ATP10B: variants seen among roughly 807,000 people sequenced by gnomAD.
The protein encoded by ATP10B is ATPase phospholipid transporting 10B (putative).
ATP10B carries 122 observed loss-of-function variants against 141.2 expected under a neutral mutation model. The ratio of observed to expected loss-of-function variants is 0.86; its 90% CI spans 0.75 to 1.00. ATP10B has a LOEUF of 1.00. Ranked by LOEUF, ATP10B falls within the 50% of genes least tolerant of loss-of-function variation. ATP10B has a pLI of 0.00. For synonymous variants in ATP10B, 685 were observed against 692.0 expected (o/e 0.99, Z 0.16); for missense variants, 1,876 against 1,825.3 (o/e 1.03, Z -0.51).
the ATP10B span, among the ~76,000 whole-genome samples, chr5:160,917,904 G>C: frequency 1.3e-5 from 2 of 152,324 alleles, no homozygotes; most frequent in South Asian, 4.1e-4. Flanking sequence ...GATTTAAGCA[G>C]TGAAGGGGAC....
At chr5:160,649,428 G>T (rs1228324461) in intron 7 of ATP10B, among the ~76,000 whole-genome samples, 172 bp from the exon 8 acceptor site, 1 of 152,216 alleles carries the variant, frequency 6.6e-6, no homozygotes. Flanking sequence ...CATTAAGGAA[G>T]AGAAAGCAAA....
chr5:160,869,683 A>C, the ATP10B span, among the ~76,000 whole-genome samples: 2 of 152,162 alleles, frequency 1.3e-5, no homozygotes, highest in African/African-American at 2.4e-5. Flanking sequence ...CCAAGATTGA[A>C]AGACAGGTGA....
intron 1 of ATP10B, among the ~76,000 whole-genome samples, chr5:160,841,969 C>T (rs1581638434): frequency 6.6e-6 from 1 of 152,190 alleles, no homozygotes; most frequent in Non-Finnish European, 1.5e-5. Context: ...AGGTGATCCA[C>T]CCGCCTCGGC....
chr5:160,622,658 G>T, intron 13 of ATP10B, 73 bp from the exon 14 acceptor site: 1 of 1,374,968 alleles, frequency 7.3e-7, no homozygotes, highest in Non-Finnish European at 1.0e-6. Context: ...TCACATGCCT[G>T]GGGAAAGGAT....
At chr5:160,589,729 T>G (rs182844462) in intron 23 of ATP10B, 33 bp from the exon 24 acceptor site, 102 of 1,522,940 alleles carry the variant, frequency 6.7e-5, no homozygotes, top group Non-Finnish European at 2.7e-6. Context: ...CATTGTCAGG[T>G]ATGTCTGTGG....
At chr5:160,636,369 A>AT in intron 10 of ATP10B, 60 bp from the exon 11 acceptor site, 1 of 1,562,394 alleles carries the variant, frequency 6.4e-7, no homozygotes, top group Non-Finnish European at 8.7e-7. Flanking sequence ...AAGTTGGTCA[A>AT]TTATACCAGC....
At chr5:160,869,708 G>A in the ATP10B span, among the ~76,000 whole-genome samples, 2 of 152,112 alleles carry the variant, frequency 1.3e-5, no homozygotes, top group Non-Finnish European at 2.9e-5. Flanking sequence ...AGCAAACCAT[G>A]GCTTGCTGGA....
intron 7 of ATP10B, among the ~76,000 whole-genome samples, chr5:160,663,879 G>T (rs1762146468): frequency 6.6e-6 from 1 of 152,078 alleles, no homozygotes; most frequent in Non-Finnish European, 1.5e-5. Flanking sequence ...TAGAGAACAG[G>T]GTTTCTTAAC....
chr5:160,615,768 G>C, intron 17 of ATP10B, 70 bp downstream of exon 17: 2 of 1,570,690 alleles, frequency 1.3e-6, no homozygotes, highest in East Asian at 2.3e-5. Context: ...TGTCAGAATC[G>C]GGGCCAAGAG....
intron 2 of ATP10B, among the ~76,000 whole-genome samples, chr5:160,754,000 A>C (rs1387589877): frequency 2.0e-5 from 3 of 152,216 alleles, no homozygotes; most frequent in Non-Finnish European, 2.9e-5. Flanking sequence ...CCTATATTAC[A>C]AAAGAGAAAA....
At chr5:160,651,444 G>C (rs543251667) in intron 7 of ATP10B, among the ~76,000 whole-genome samples, 3 of 152,108 alleles carry the variant, frequency 2.0e-5, no homozygotes, top group Admixed American at 6.6e-5. Context: ...ATGAGCCTTC[G>C]TTTCTTCATC....
At chr5:160,694,513 G>A (rs1764254499) in intron 3 of ATP10B, among the ~76,000 whole-genome samples, 1 of 152,076 alleles carries the variant, frequency 6.6e-6, no homozygotes, top group Admixed American at 6.5e-5. Flanking sequence ...AATCCTATAT[G>A]GGGGACCTTT....
At chr5:160,686,430 GA>G (rs1179566578) in intron 5 of ATP10B, among the ~76,000 whole-genome samples, 157 bp from the exon 6 acceptor site, 1 of 152,166 alleles carries the variant, frequency 6.6e-6, no homozygotes, top group Non-Finnish European at 1.5e-5. Context: ...AACCCATCTA[GA>G]TGTATTTATT....
intron 7 of ATP10B, among the ~76,000 whole-genome samples, chr5:160,652,887 AAT>A (rs1228016647): frequency 0.043 from 1,487 of 34,808 alleles, 76 homozygotes; most frequent in Non-Finnish European, 0.056. Flanking sequence ...ATATATATAT[AAT>A]TATATAATAT....
chr5:160,776,501 GCT>G (rs1209769593), intron 2 of ATP10B, among the ~76,000 whole-genome samples: 1 of 152,176 alleles, frequency 6.6e-6, no homozygotes, highest in Non-Finnish European at 1.5e-5. Context: ...TGCAATTACT[GCT>G]CTGTTTTGTA....
chr5:160,672,740 G>A (rs2127728307), intron 6 of ATP10B, among the ~76,000 whole-genome samples: 1 of 152,316 alleles, frequency 6.6e-6, no homozygotes, highest in African/African-American at 2.4e-5. Flanking sequence ...TGGAATCTGA[G>A]CTGCACTGGG....
chr5:160,587,634 A>G (rs1217998821), intron 24 of ATP10B, among the ~76,000 whole-genome samples: 3 of 152,132 alleles, frequency 2.0e-5, no homozygotes, highest in Non-Finnish European at 2.9e-5. Flanking sequence ...CTCCTTTAAG[A>G]GGTCCTTCAC....
chr5:160,819,949 A>G (rs1397306073), intron 1 of ATP10B, among the ~76,000 whole-genome samples: 1 of 152,106 alleles, frequency 6.6e-6, no homozygotes, highest in Non-Finnish European at 1.5e-5. Flanking sequence ...ACAATCTAAC[A>G]ATATATCTTA....
Position 160,564,973 on chromosome 5 carries a change from C to A in ATP10B, c.*480G>T, listed in dbSNP as rs1754444844. On this transcript the variant is annotated 3_prime_UTR_variant, in exon 26 of 26. Transcript: ENST00000327245. Reference sequence around the variant, plus strand: ...GATGTTAACCCCGATTCAGCCATTACTGCAATACACTTGAGATGAAGCCCT... The same window carrying A: ...GATGTTAACCCCGATTCAGCCATTAATGCAATACACTTGAGATGAAGCCCT... The A allele has an allele frequency of 6.5e-6, 1 of 155,006 alleles. No homozygotes were observed. The highest frequency in any genetic ancestry group is 1.4e-5 in the Non-Finnish European group (1 of 70,036). The allele number at this position is 155,006 out of a possible 1,614,324, so 9.6% of individuals were successfully genotyped here.
Sources: gnomAD v4.1 joint callset for allele counts (sites outside exome capture counted in the v4.1 genomes callset) on GRCh38, gnomAD v4.1.1 for gene constraint, MANE v1.5 for transcripts, NCBI Gene and HGNC (gene_info 2026-07-23, HGNC 2026-07-21) for gene names.